The following HPCAL1 variants were observed in gnomAD, a reference collection of about 807,000 sequenced individuals.
HPCAL1 encodes the protein hippocalcin-like protein 1.
A neutral mutation model predicts 17.1 loss-of-function variants in HPCAL1; 8 were observed. The ratio of observed to expected loss-of-function variants is 0.47; its 90% confidence interval spans 0.27 to 0.84. The LOEUF is 0.84. Among genes scored for constraint, HPCAL1 ranks in the 40% least tolerant of loss-of-function variants. The pLI is 0.13. For synonymous variants in HPCAL1, 112 were observed against 111.4 expected (o/e 1.01, Z -0.03); for missense variants, 165 against 271.1 (o/e 0.61, Z 2.75).
chr2:10,340,857 G>A (rs1665036879), intron 1 of HPCAL1, among the ~76,000 whole-genome samples: 1 of 152,072 alleles, frequency 6.6e-6, no homozygotes, highest in Non-Finnish European at 1.5e-5. Context: ...CTGCCCTCCG[G>A]GTAAGACAGC....
Position 10,365,998 on chromosome 2 carries a change from C to G in HPCAL1, c.-110-30837C>G, listed in dbSNP as rs1666827045. 6.6e-6 allele frequency among the ~76,000 whole-genome samples: 1 copy of G among 152,226 alleles called. No individual in the cohort carries two copies. Among genetic ancestry groups the G allele is most frequent in the Admixed American group, 6.5e-5 (1 of 15,290 alleles). On this transcript the variant is annotated intron_variant, in intron 1 of 4. Transcript: ENST00000307845. This position sits in a 1 kb window ranked among gnomAD's most constrained non-coding sequence, Gnocchi z 4.8. ...ACACACTGAGTACTCTTTCCTCAAGCTCAGTGCAGTTCGTCCACGTTTGCC... is the reference window on the plus strand; with the variant it reads ...ACACACTGAGTACTCTTTCCTCAAGGTCAGTGCAGTTCGTCCACGTTTGCC...
At chr2:10,306,391 C>T (rs1662621182) in intron 1 of HPCAL1, among the ~76,000 whole-genome samples, 1 of 152,094 alleles carries the variant, frequency 6.6e-6, no homozygotes, top group Non-Finnish European at 1.5e-5. Flanking sequence ...AGATTTTAAT[C>T]ACACTCTACT....
intron 1 of HPCAL1, among the ~76,000 whole-genome samples, chr2:10,382,593 TAAAAAAAA>T (rs70948887): frequency 1.6e-5 from 2 of 128,012 alleles, no homozygotes; most frequent in African/African-American, 5.9e-5. Flanking sequence ...GTTCATTAAT[TAAAAAAAA>T]AAAAAAAAAA....
chr2:10,397,784 C>T (rs1197684737), intron 2 of HPCAL1, among the ~76,000 whole-genome samples: 1 of 152,186 alleles, frequency 6.6e-6, no homozygotes, highest in Non-Finnish European at 1.5e-5. Context: ...TCTGGAGAGC[C>T]TGCCAGCCAT....
At chr2:10,408,032 C>T (rs1261063731) in intron 2 of HPCAL1, among the ~76,000 whole-genome samples, 7 of 152,338 alleles carry the variant, frequency 4.6e-5, no homozygotes, top group Middle Eastern at 3.4e-3. Flanking sequence ...GCGTGCCACA[C>T]GGGTGAACTC....
rs865826017 is a variant in HPCAL1 at position 10,333,474 on chromosome 2, G to A, written c.-111+30297G>A. 4.9e-4 allele frequency among the ~76,000 whole-genome samples: 75 copies of A among 152,242 alleles called. 1 individual carries two copies. Among genetic ancestry groups the A allele is most frequent in the African/African-American group, 1.7e-3 (72 of 41,546 alleles). On this transcript the variant is annotated intron_variant, in intron 1 of 4. Transcript: ENST00000307845. ...GGATCCTGCTGGCAGATGTATCACC[G>A]TAGCCCAAGCCAGCCTAAGCCAGCC...
chr2:10,311,949 C>T (rs548114577), intron 1 of HPCAL1, among the ~76,000 whole-genome samples: 2 of 152,058 alleles, frequency 1.3e-5, no homozygotes, highest in South Asian at 4.2e-4. Context: ...TCACTGTCAT[C>T]ATCACCATCA....
chr2:10,391,379 A>G (rs753847014), intron 1 of HPCAL1, among the ~76,000 whole-genome samples: 3 of 152,340 alleles, frequency 2.0e-5, no homozygotes, highest in East Asian at 3.9e-4. Flanking sequence ...GTCCACTGGC[A>G]TATAGGAGTA....
At chr2:10,421,166 G>T (rs1032460289) in intron 3 of HPCAL1, among the ~76,000 whole-genome samples, 1 of 152,214 alleles carries the variant, frequency 6.6e-6, no homozygotes, top group African/African-American at 2.4e-5. Context: ...ATGTCCCCAG[G>T]AATGCGCAGT....
At chr2:10,327,093 A>C (rs1290860217) in intron 1 of HPCAL1, among the ~76,000 whole-genome samples, 1 of 152,010 alleles carries the variant, frequency 6.6e-6, no homozygotes, top group African/African-American at 2.4e-5. Context: ...CGGGGAGTAC[A>C]AGTGCCTCTT....
At chr2:10,420,900 A>G (rs1671023874) in intron 3 of HPCAL1, among the ~76,000 whole-genome samples, 1 of 152,176 alleles carries the variant, frequency 6.6e-6, no homozygotes, top group Non-Finnish European at 1.5e-5. Flanking sequence ...AGCTGGGATT[A>G]CAGGTATGTG....
chr2:10,332,277 G>A (rs1481439210), intron 1 of HPCAL1, among the ~76,000 whole-genome samples: 1 of 152,166 alleles, frequency 6.6e-6, no homozygotes, highest in African/African-American at 2.4e-5. Flanking sequence ...CATCTGATCT[G>A]AGCATTTACC....
chr2:10,322,612 C>G (rs982566690), intron 1 of HPCAL1, among the ~76,000 whole-genome samples: 9 of 152,212 alleles, frequency 5.9e-5, no homozygotes, highest in Non-Finnish European at 1.3e-4. Context: ...GTCAAAGTCC[C>G]AAGACAGATG....
intron 1 of HPCAL1, among the ~76,000 whole-genome samples, chr2:10,341,296 C>CA (rs1307194194): frequency 1.3e-5 from 2 of 151,698 alleles, no homozygotes; most frequent in Admixed American, 1.3e-4. Context: ...CCCATCTCTA[C>CA]AAAAAAATAC....
In HPCAL1 at chr2:10,315,486, T is replaced by C. The variant is rs1211717185; in HGVS notation, c.-111+12309T>C. 2.0e-5 allele frequency among the ~76,000 whole-genome samples: 3 copies of C among 152,324 alleles called. No homozygotes were observed. The East Asian group carries it at 5.8e-4, about 29-fold the overall frequency. ...TTCACCAGTGGGCATTTATTATTTTTGCAATTAGACAGGAAAGAGCCTCCA... is the reference window on the plus strand; with the variant it reads ...TTCACCAGTGGGCATTTATTATTTTCGCAATTAGACAGGAAAGAGCCTCCA... On this transcript the variant is annotated intron_variant, in intron 1 of 4. Coordinates refer to ENST00000307845, the MANE Select transcript of HPCAL1 (RefSeq NM_002149.4).
At chr2:10,409,194 T>C (rs575500255) in intron 2 of HPCAL1, among the ~76,000 whole-genome samples, 1 of 152,222 alleles carries the variant, frequency 6.6e-6, no homozygotes, top group Non-Finnish European at 1.5e-5. Flanking sequence ...GTGTGGCTGG[T>C]TGTGACCATA....
chr2:10,316,836 A>G (rs1663346660), intron 1 of HPCAL1, among the ~76,000 whole-genome samples: 3 of 152,194 alleles, frequency 2.0e-5, no homozygotes, highest in African/African-American at 7.2e-5. Flanking sequence ...TTTATAGTCT[A>G]CTGTTCATAT....
chr2:10,423,002 C>T lies in HPCAL1; in HGVS notation c.398C>T (p.Ser133Leu), dbSNP rs780943554. The change falls in exon 4 of 5, where the codon TCG becomes TTG. Residue 133 changes from serine (S) to leucine (L), a missense_variant. Transcript: ENST00000307845. ...EIVQAIYKMV[S>L]SVMKMPEDES... ...CCGCAGGCCATCTACAAGATGGTGT[C>T]GTCTGTGATGAAGATGCCGGAGGAT... 1.9e-6 allele frequency: 3 copies of T among 1,613,150 alleles called. No individual in the cohort carries two copies. The highest frequency in any genetic ancestry group is 1.1e-5 in the South Asian group (1 of 91,040).
intron 3 of HPCAL1, among the ~76,000 whole-genome samples, chr2:10,422,766 C>A (rs1572872348): frequency 6.6e-6 from 1 of 152,372 alleles, no homozygotes; most frequent in Admixed American, 6.5e-5. Context: ...TCACCACCCT[C>A]CCAGTAGAAC....
Sources: gnomAD v4.1 joint callset for allele counts (sites outside exome capture counted in the v4.1 genomes callset) on GRCh38, gnomAD v4.1.1 for gene constraint, Gnocchi (gnomAD v3.1) non-coding constraint, MANE v1.5 for transcripts, NCBI Gene and HGNC (gene_info 2026-07-23, HGNC 2026-07-21) for gene names.